TXNDC16: variants seen among roughly 807,000 people sequenced by gnomAD.
TXNDC16 encodes thioredoxin domain containing 16.
Under a neutral mutation model 85.6 loss-of-function variants are expected in TXNDC16, and 74 were observed. The observed-to-expected ratio is 0.86, with a 90% CI of 0.72 to 1.05. TXNDC16 has a LOEUF of 1.05. Among genes scored for constraint, TXNDC16 ranks in the 50% least tolerant of loss-of-function variants. The probability of loss-of-function intolerance (pLI) is 0.00; values close to 1 mark genes in which losing one functional copy is unlikely to be tolerated. For synonymous variants in TXNDC16, 335 were observed against 326.5 expected (o/e 1.03, Z -0.28); for missense variants, 959 against 947.0 (o/e 1.01, Z -0.17).
At chr14:52,481,208 G>T (rs1728851082) in intron 14 of TXNDC16, among the ~76,000 whole-genome samples, 2 of 151,528 alleles carry the variant, frequency 1.3e-5, no homozygotes, top group African/African-American at 4.8e-5. Flanking sequence ...GTGGGAATAG[G>T]GTAAGAAATA....
chr14:52,519,419 T>C (rs2037159682), intron 6 of TXNDC16, 126 bp from the exon 7 acceptor site: 2 of 679,264 alleles, frequency 2.9e-6, no homozygotes. Context: ...GTAGTAATAA[T>C]GTAAGCATTT....
chr14:52,495,421 G>C (rs1446989924), intron 9 of TXNDC16, among the ~76,000 whole-genome samples: 1 of 152,134 alleles, frequency 6.6e-6, no homozygotes, highest in Non-Finnish European at 1.5e-5. Flanking sequence ...GTGAAACATA[G>C]CCATTAATGA....
intron 14 of TXNDC16, among the ~76,000 whole-genome samples, chr14:52,471,266 AT>A (rs1463579625): frequency 2.6e-5 from 4 of 152,138 alleles, no homozygotes; most frequent in African/African-American, 9.7e-5. Flanking sequence ...TACCACCTGA[AT>A]TTTTAATATA....
At chr14:52,524,584 G>A (rs1175476938) in intron 6 of TXNDC16, among the ~76,000 whole-genome samples, 1 of 152,034 alleles carries the variant, frequency 6.6e-6, no homozygotes, top group Non-Finnish European at 1.5e-5. Flanking sequence ...GAGCTTCTGG[G>A]CTAAAGCCAT....
At chr14:52,519,019 C>T (rs1436192091) in intron 7 of TXNDC16, among the ~76,000 whole-genome samples, 153 bp downstream of exon 7, 1 of 152,072 alleles carries the variant, frequency 6.6e-6, no homozygotes, top group Non-Finnish European at 1.5e-5. Flanking sequence ...CTGTATTACG[C>T]TGCCCATTTA....
chr14:52,456,446 T>C (rs921160902), intron 17 of TXNDC16, among the ~76,000 whole-genome samples: 1 of 152,158 alleles, frequency 6.6e-6, no homozygotes, highest in African/African-American at 2.4e-5. Context: ...AGAGCATATG[T>C]CACCAGTGTT....
At chr14:52,478,314 G>A (rs2036064478) in intron 14 of TXNDC16, among the ~76,000 whole-genome samples, 1 of 152,026 alleles carries the variant, frequency 6.6e-6, no homozygotes, top group Non-Finnish European at 1.5e-5. Context: ...CAGAAGAAAG[G>A]AAGTAACCAA....
At chr14:52,493,216 T>TATATATATACACACACACACACAC in intron 9 of TXNDC16, among the ~76,000 whole-genome samples, 10 of 115,938 alleles carry the variant, frequency 8.6e-5, no homozygotes, top group African/African-American at 3.5e-4. Flanking sequence ...TATATATATA[T>TATATATATACACACACACACACAC]ACACACACAC....
Position 52,486,603 on chromosome 14 carries a change from T to A in TXNDC16, c.1108+1760A>T, listed in dbSNP as rs183397314. On this transcript the variant is annotated intron_variant, in intron 12 of 20. Transcript: ENST00000281741. ...TTCTCTGGGGTGCACCTGTCTCTGA[T>A]TTACATTCTCAGATGGTAATAAATT... 5.4e-3 allele frequency among the ~76,000 whole-genome samples: 825 copies of A among 152,302 alleles called. 5 individuals are homozygous for A. Among genetic ancestry groups the A allele is most frequent in the Non-Finnish European group, 7.2e-3 (490 of 68,028 alleles).
intron 17 of TXNDC16, 97 bp downstream of exon 17, chr14:52,456,993 A>T: frequency 1.2e-6 from 1 of 855,148 alleles, no homozygotes; most frequent in Non-Finnish European, 1.8e-6. Flanking sequence ...TTGCTACCTT[A>T]TTTTCCTCCA....
Position 52,544,341 on chromosome 14 carries a change from CAAG to C in TXNDC16, c.-154_-152del, listed in dbSNP as rs543320143. The C allele has an allele frequency of 2.0e-5, 3 of 151,932 alleles. No individual in the cohort carries two copies. Among genetic ancestry groups the C allele is most frequent in the Non-Finnish European group, 4.4e-5 (3 of 67,922 alleles). 9.4% of individuals were successfully genotyped at this position (151,932 alleles called of 1,614,324 possible). On this transcript the variant is annotated 5_prime_UTR_variant, in exon 2 of 21. Transcript: ENST00000281741. ...CTTTCAAATTTTTCTTGAACAACTT[CAAG>C]AAGTTTTCTACTGATGATCTATGTT...
chr14:52,457,240 A>G (rs2035556049), intron 16 of TXNDC16, 66 bp from the exon 17 acceptor site: 1 of 876,140 alleles, frequency 1.1e-6, no homozygotes, highest in Admixed American at 2.8e-5. Context: ...TCAACTGATG[A>G]AGAGATTTAT....
At chr14:52,499,654 G>A (rs1396327055) in intron 9 of TXNDC16, among the ~76,000 whole-genome samples, 2 of 151,606 alleles carry the variant, frequency 1.3e-5, no homozygotes, top group African/African-American at 2.4e-5. Flanking sequence ...AAACGTTGGT[G>A]AAGATATGAA....
intron 14 of TXNDC16, among the ~76,000 whole-genome samples, chr14:52,481,868 G>A (rs2036158572): frequency 6.6e-6 from 1 of 152,076 alleles, no homozygotes; most frequent in African/African-American, 2.4e-5. Context: ...CATGAGACTG[G>A]GTCTTGAATC....
Position 52,439,204 on chromosome 14 carries a change from T to C in TXNDC16, c.2194A>G (p.Thr732Ala), listed in dbSNP as rs757317866. ...GTATTAAACAAAACAGAAAACTTAC[T>C]GATATGATTTTCTAGTCCTGCTTCT... ...KLEAGLENHI[T>A]ILPAQEWKPP... The change falls in exon 20 of 21, where the codon ACA becomes GCA. Residue 732 changes from threonine to alanine, a missense_variant and splice_region_variant. By Grantham distance (58) the Thr-to-Ala change is moderately conservative (BLOSUM62 0). Coordinates refer to ENST00000281741, the MANE Select transcript of TXNDC16 (RefSeq NM_020784.3). 2.1e-5 allele frequency: 34 copies of C among 1,613,232 alleles called. No homozygotes were observed. The highest frequency in any genetic ancestry group is 2.9e-5 in the Non-Finnish European group (34 of 1,179,656).
intron 6 of TXNDC16, among the ~76,000 whole-genome samples, chr14:52,523,153 T>C (rs1162209613): frequency 6.6e-6 from 1 of 152,074 alleles, no homozygotes; most frequent in Non-Finnish European, 1.5e-5. Flanking sequence ...CTGACAAAAA[T>C]GGGTTAAAGG....
At position 52,468,626 on chromosome 14, in the gene TXNDC16, C is replaced by A. The variant is rs188559746; in HGVS notation, c.1618+1411G>T. On this transcript the variant is annotated intron_variant, in intron 16 of 20. Transcript: ENST00000281741. ...AGTACAGTGGCTCATGCCTATACTA[C>A]CAGCACTTTGGGAGGCCAGGGCAGG... is the stretch of plus-strand genomic sequence containing the variant. Among the ~76,000 whole-genome samples, 44 of 152,312 alleles carry A rather than the reference C, an allele frequency of 2.9e-4. 1 individual carries two copies. Among genetic ancestry groups the A allele is most frequent in the Admixed American group, 2.0e-3 (30 of 15,296 alleles).
At chr14:52,531,381 C>T (rs1197746599) in intron 6 of TXNDC16, among the ~76,000 whole-genome samples, 2 of 152,176 alleles carry the variant, frequency 1.3e-5, no homozygotes, top group African/African-American at 4.8e-5. Context: ...ATGTTAATAG[C>T]AACTTCATTT....
intron 6 of TXNDC16, among the ~76,000 whole-genome samples, chr14:52,529,977 T>C (rs1431808314): frequency 2.1e-5 from 2 of 93,574 alleles, no homozygotes; most frequent in East Asian, 3.3e-4. Context: ...CATATAACAA[T>C]ATGTAATATA....
Sources: allele counts gnomAD v4.1 joint callset (sites outside exome capture counted in the v4.1 genomes callset), GRCh38; gene constraint gnomAD v4.1.1; transcripts MANE v1.5; gene names NCBI Gene and HGNC (gene_info 2026-07-23, HGNC 2026-07-21).